The following PRKCB variants were observed in gnomAD, a reference collection of about 807,000 sequenced individuals.
The protein encoded by PRKCB is protein kinase C beta, also known as protein kinase C beta type.
Under a neutral mutation model 81.5 loss-of-function variants are expected in PRKCB, and 13 were observed. That is an observed-to-expected ratio of 0.16 (90% CI 0.10 to 0.25). PRKCB has a LOEUF of 0.25. PRKCB is among the 10% of genes least tolerant of loss of function. The pLI is 1.00. For synonymous variants in PRKCB, 335 were observed against 321.4 expected (o/e 1.04, Z -0.45); for missense variants, 509 against 875.7 (o/e 0.58, Z 5.29).
intron 8 of PRKCB, among the ~76,000 whole-genome samples, chr16:24,114,126 C>T (rs1966710236): frequency 6.7e-6 from 1 of 150,278 alleles, no homozygotes; most frequent in Non-Finnish European, 1.5e-5. Flanking sequence ...GGCTGAGGCA[C>T]AAGAATTTCT....
Position 24,123,854 on chromosome 16 carries a change from G to A in PRKCB, c.938G>A (p.Gly313Glu), listed in dbSNP as rs866640642. 3 of 1,614,106 alleles carry A rather than the reference G, an allele frequency of 1.9e-6. No individual in the cohort carries two copies. Among genetic ancestry groups the A allele is most frequent in the East Asian group, 4.5e-5 (2 of 44,886 alleles). ...TTGCAGAGGGCCAAGATCAGTCAGG[G>A]AACCAAGGTCCCGGAAGAAAAGACG... ...QKFERAKISQ[G>E]TKVPEEKTTN... Residue 313 changes from glycine (G) to glutamate (E), a missense_variant, in exon 9 of 17, where the codon GGA (glycine) becomes GAA (glutamate). Physicochemically the swap from Gly to Glu is moderately conservative, Grantham distance 98. Transcript: ENST00000643927.
At chr16:24,095,206 G>T (rs1014427496) in intron 7 of PRKCB, among the ~76,000 whole-genome samples, 8 of 152,138 alleles carry the variant, frequency 5.3e-5, no homozygotes, top group African/African-American at 1.9e-4. Context: ...AATTGCAATA[G>T]GGAAAGAGTT....
intron 2 of PRKCB, among the ~76,000 whole-genome samples, chr16:23,934,341 T>G (rs1238656615): frequency 1.4e-5 from 2 of 147,240 alleles, no homozygotes; most frequent in African/African-American, 5.0e-5. Flanking sequence ...TTTTTTGACA[T>G]TAAAAGCTCT....
intron 12 of PRKCB, among the ~76,000 whole-genome samples, chr16:24,178,470 A>T (rs557562789): frequency 6.6e-6 from 1 of 152,234 alleles, no homozygotes; most frequent in Admixed American, 6.5e-5. Flanking sequence ...TGAAGATTTT[A>T]TCACTTCCCT....
intron 2 of PRKCB, among the ~76,000 whole-genome samples, chr16:23,863,215 CAT>C: frequency 1.7e-5 from 1 of 58,068 alleles, no homozygotes; most frequent in Non-Finnish European, 4.2e-5. Flanking sequence ...TGTATATATA[CAT>C]ACATATATAT....
rs182645772 is a variant in PRKCB, at chr16:23,881,527, C to T, written c.205+44121C>T. On this transcript the variant is annotated intron_variant, in intron 2 of 16. Coordinates refer to ENST00000643927, the MANE Select transcript of PRKCB (RefSeq NM_002738.7). ...TTGGCCTCCCAAAGTGCTGGGATTA[C>T]AGGCGTGAGCCACTGCACCCTGGCC... Among the ~76,000 whole-genome samples, 26 of 152,276 alleles carry T rather than the reference C, an allele frequency of 1.7e-4. No individual in the cohort carries two copies. In the East Asian group the frequency reaches 4.8e-3, roughly 28 times the overall value.
chr16:23,935,541 T>C (rs1212809216), intron 2 of PRKCB, among the ~76,000 whole-genome samples: 1 of 152,088 alleles, frequency 6.6e-6, no homozygotes, highest in Non-Finnish European at 1.5e-5. Flanking sequence ...ATATCCCTCC[T>C]CCACCCCAAA....
chr16:24,194,641 A>G (rs1265470059), intron 16 of PRKCB, among the ~76,000 whole-genome samples: 1 of 151,826 alleles, frequency 6.6e-6, no homozygotes, highest in Non-Finnish European at 1.5e-5. Flanking sequence ...CCTGGCTCAT[A>G]GAAAGCACTC....
intron 3 of PRKCB, among the ~76,000 whole-genome samples, chr16:24,014,045 T>A (rs1280119453): frequency 1.3e-5 from 2 of 152,200 alleles, no homozygotes; most frequent in African/African-American, 4.8e-5. Flanking sequence ...ATACAGAGGA[T>A]CTTTCTGCTC....
intron 16 of PRKCB, among the ~76,000 whole-genome samples, chr16:24,199,761 A>G (rs1967929280): frequency 6.6e-6 from 1 of 152,218 alleles, no homozygotes; most frequent in Non-Finnish European, 1.5e-5. Flanking sequence ...TCACCACAGT[A>G]TAGATGAGGA....
intron 5 of PRKCB, among the ~76,000 whole-genome samples, chr16:24,075,521 G>T (rs1051679035): frequency 6.6e-6 from 1 of 152,214 alleles, no homozygotes; most frequent in African/African-American, 2.4e-5. Context: ...TAAAGAAGCT[G>T]TGTTCTCTTG....
intron 16 of PRKCB, among the ~76,000 whole-genome samples, chr16:24,203,831 C>T (rs1407963029): frequency 2.6e-5 from 4 of 152,098 alleles, no homozygotes; most frequent in Non-Finnish European, 5.9e-5. Flanking sequence ...TGGATGGGAA[C>T]GGAAATGCAT....
chr16:23,942,412 G>A (rs987867975), intron 2 of PRKCB, among the ~76,000 whole-genome samples: 3 of 152,264 alleles, frequency 2.0e-5, no homozygotes, highest in Non-Finnish European at 4.4e-5. Flanking sequence ...TGCACAGTTA[G>A]GTTCTCACCA....
intron 5 of PRKCB, among the ~76,000 whole-genome samples, chr16:24,054,316 C>T (rs1478161478): frequency 6.6e-6 from 1 of 152,146 alleles, no homozygotes; most frequent in East Asian, 1.9e-4. Context: ...CTTGCTTTCC[C>T]AATGGTAGGC....
In PRKCB at chr16:23,860,879, C is replaced by T. The variant is rs1962653153; in HGVS notation, c.205+23473C>T. ...CAAGATCGCGCTACTGTACTCTAGC[C>T]TAGGCAACAGAATGAGACTCAGTAT... On this transcript the variant is annotated intron_variant, in intron 2 of 16. Transcript: ENST00000643927. Among the ~76,000 whole-genome samples, 3 of 152,086 alleles carry T rather than the reference C, an allele frequency of 2.0e-5. No individual in the cohort carries two copies. The South Asian group carries it at 6.2e-4, about 32-fold the overall frequency.
intron 2 of PRKCB, among the ~76,000 whole-genome samples, chr16:23,874,740 A>T (rs1351425385): frequency 6.6e-6 from 1 of 152,170 alleles, no homozygotes; most frequent in African/African-American, 2.4e-5. Flanking sequence ...TAGATAATGC[A>T]CTTCAATTAA....
At chr16:24,040,473 T>C (rs1965685017) in intron 5 of PRKCB, among the ~76,000 whole-genome samples, 1 of 152,218 alleles carries the variant, frequency 6.6e-6, no homozygotes, top group Non-Finnish European at 1.5e-5. Context: ...TAGACACTCA[T>C]GGTAACCTGA....
chr16:24,074,318 CAG>C (rs1966151702), intron 5 of PRKCB, among the ~76,000 whole-genome samples: 1 of 152,166 alleles, frequency 6.6e-6, no homozygotes, highest in Non-Finnish European at 1.5e-5. Flanking sequence ...GGGAGGAAGA[CAG>C]AGAGGGTTCA....
intron 5 of PRKCB, among the ~76,000 whole-genome samples, chr16:24,089,812 A>T (rs1263632827): frequency 6.6e-6 from 1 of 150,624 alleles, no homozygotes; most frequent in Non-Finnish European, 1.5e-5. Context: ...CACAACAAAA[A>T]CGTAGTGAAA....
Sources: gnomAD v4.1 joint callset for allele counts (sites outside exome capture counted in the v4.1 genomes callset) on GRCh38, gnomAD v4.1.1 for gene constraint, MANE v1.5 for transcripts, NCBI Gene and HGNC (gene_info 2026-07-23, HGNC 2026-07-21) for gene names.